Variants in ATXN1 observed in about 807,000 individuals in gnomAD.
ATXN1 encodes ataxin-1.
In ATXN1, 8 loss-of-function variants were observed where a neutral mutation model predicts 56.4. The observed-to-expected ratio is 0.14, with a 90% confidence interval of 0.08 to 0.26. ATXN1 has a LOEUF of 0.26. ATXN1 is among the 10% of genes least tolerant of loss of function. ATXN1 has a pLI of 1.00. For missense variants in ATXN1, 987 were observed against 1,106.5 expected, an observed-to-expected ratio of 0.89 and a Z score of 1.53; for synonymous variants, 514 against 494.6, an observed-to-expected ratio of 1.04 and a Z score of -0.52.
chr6:16,646,239 G>A (rs928819624), intron 3 of ATXN1, among the ~76,000 whole-genome samples: 1 of 152,114 alleles, frequency 6.6e-6, no homozygotes, highest in South Asian at 2.1e-4. Flanking sequence ...AACAAAAGAC[G>A]TGTCTACCAC....
chr6:16,671,307 TTC>T (rs5874566), intron 2 of ATXN1, among the ~76,000 whole-genome samples: 66,749 of 122,920 alleles, frequency 0.54, 15,373 homozygotes, highest in East Asian at 0.63. Context: ...TTTCTTTTCT[TTC>T]TTTTTTTTTT....
chr6:16,470,814 T>C (rs1292033253), intron 6 of ATXN1, among the ~76,000 whole-genome samples: 1 of 152,172 alleles, frequency 6.6e-6, no homozygotes, highest in South Asian at 2.1e-4. Context: ...GGCAACATAG[T>C]GAGACTTCAT....
At chr6:16,614,646 C>T (rs2113794345) in intron 3 of ATXN1, among the ~76,000 whole-genome samples, 1 of 151,850 alleles carries the variant, frequency 6.6e-6, no homozygotes, top group African/African-American at 2.4e-5. Context: ...ATTCAGGCCA[C>T]ATGCGGTGGC....
chr6:16,622,280 G>C (rs1327874725), intron 3 of ATXN1, among the ~76,000 whole-genome samples: 1 of 152,194 alleles, frequency 6.6e-6, no homozygotes, highest in East Asian at 1.9e-4. Context: ...CCTGAGGGAG[G>C]AACATGTTTG....
intron 3 of ATXN1, among the ~76,000 whole-genome samples, chr6:16,638,367 G>A (rs1267979376): frequency 6.6e-6 from 1 of 150,760 alleles, no homozygotes; most frequent in Non-Finnish European, 1.5e-5. Flanking sequence ...GATCACTTGA[G>A]CCTGGGAGGT....
In ATXN1 at chr6:16,327,246, C is replaced by T. The variant is rs762340382; in HGVS notation, c.1065G>A (p.Pro355=). ...GKAGGKSVPH[P]YESRHVVVHP... ...GGACCACCACGTGCCTGGACTCGTACGGGTGAGGAACCGACTTGCCGCCTG... is the reference window on the plus strand; with the variant it reads ...GGACCACCACGTGCCTGGACTCGTATGGGTGAGGAACCGACTTGCCGCCTG... The change falls in exon 7 of 8, where the codon CCG becomes CCA. Residue 355 remains proline, a synonymous_variant. Transcript: ENST00000436367. 22 of 1,613,264 alleles carry T rather than the reference C, an allele frequency of 1.4e-5. No homozygotes were observed. In the South Asian group the frequency reaches 1.8e-4, roughly 13 times the overall value.
intron 4 of ATXN1, among the ~76,000 whole-genome samples, chr6:16,546,711 T>C (rs1761821079): frequency 6.6e-6 from 1 of 152,206 alleles, no homozygotes; most frequent in South Asian, 2.1e-4. Context: ...ATGTTTAAGG[T>C]ATTTTCATGG....
chr6:16,639,279 C>T (rs923739621), intron 3 of ATXN1, among the ~76,000 whole-genome samples: 4 of 152,200 alleles, frequency 2.6e-5, no homozygotes, highest in African/African-American at 4.8e-5. Flanking sequence ...TCTTTGGGTC[C>T]CTACCATCTT....
intron 2 of ATXN1, among the ~76,000 whole-genome samples, chr6:16,662,900 C>T (rs1758348072): frequency 6.6e-6 from 1 of 151,788 alleles, no homozygotes; most frequent in African/African-American, 2.4e-5. Context: ...AGGGTTTTCC[C>T]TGAAACTACT....
intron 2 of ATXN1, among the ~76,000 whole-genome samples, chr6:16,698,575 T>C (rs1375302039): frequency 1.3e-5 from 2 of 151,812 alleles, no homozygotes; most frequent in African/African-American, 2.4e-5. Flanking sequence ...GAGAAACTGT[T>C]CTTGAAGTAT....
chr6:16,347,932 A>AT (rs1315072983), intron 6 of ATXN1, among the ~76,000 whole-genome samples: 2 of 152,174 alleles, frequency 1.3e-5, no homozygotes, highest in Non-Finnish European at 2.9e-5. Context: ...TTGGATCTAT[A>AT]CTGCCTGTAT....
intron 6 of ATXN1, among the ~76,000 whole-genome samples, chr6:16,375,912 T>C (rs1177057239): frequency 1.3e-5 from 2 of 152,246 alleles, no homozygotes; most frequent in African/African-American, 2.4e-5. Flanking sequence ...AAATGGACTA[T>C]CTGTTCAATT....
At chr6:16,653,701 C>A (rs1335315906) in intron 3 of ATXN1, among the ~76,000 whole-genome samples, 2 of 152,172 alleles carry the variant, frequency 1.3e-5, no homozygotes, top group Non-Finnish European at 2.9e-5. Flanking sequence ...TCCAAAAGAG[C>A]CTCTGCCCTA....
chr6:16,701,231 TG>T (rs1341059396), intron 2 of ATXN1, among the ~76,000 whole-genome samples: 1 of 152,250 alleles, frequency 6.6e-6, no homozygotes, highest in Non-Finnish European at 1.5e-5. Flanking sequence ...GAATTTTTTA[TG>T]ACACATGTTG....
chr6:16,673,826 G>GA (rs1183592543), intron 2 of ATXN1, among the ~76,000 whole-genome samples: 1 of 151,984 alleles, frequency 6.6e-6, no homozygotes, highest in African/African-American at 2.4e-5. Flanking sequence ...CCCATTGCAG[G>GA]ATGTTCAGCA....
intron 2 of ATXN1, among the ~76,000 whole-genome samples, chr6:16,708,037 T>C (rs1759442573): frequency 6.6e-6 from 1 of 152,136 alleles, no homozygotes; most frequent in Admixed American, 6.5e-5. Flanking sequence ...TACAGAGCTA[T>C]GCACAATATG....
At chr6:16,721,387 A>G (rs1759742718) in intron 2 of ATXN1, among the ~76,000 whole-genome samples, 1 of 152,172 alleles carries the variant, frequency 6.6e-6, no homozygotes, top group Non-Finnish European at 1.5e-5. Context: ...GCACTTTGGG[A>G]GGCTGAGGTG....
intron 6 of ATXN1, among the ~76,000 whole-genome samples, chr6:16,396,533 A>G (rs1424021175): frequency 2.0e-5 from 3 of 152,248 alleles, no homozygotes; most frequent in South Asian, 2.1e-4. Flanking sequence ...GTTTTTAAAA[A>G]TTAAAAAGTT....
chr6:16,457,590 T>C (rs1316852315), intron 6 of ATXN1, among the ~76,000 whole-genome samples: 1 of 152,138 alleles, frequency 6.6e-6, no homozygotes, highest in Non-Finnish European at 1.5e-5. Context: ...CTGAGGGAAG[T>C]ATAAATTACA....
Sources: allele counts gnomAD v4.1 joint callset (sites outside exome capture counted in the v4.1 genomes callset), GRCh38; gene constraint gnomAD v4.1.1; transcripts MANE v1.5; gene names NCBI Gene and HGNC (gene_info 2026-07-23, HGNC 2026-07-21).